Variants in TASP1 observed in about 807,000 individuals in gnomAD.
TASP1 encodes the protein threonine aspartase 1.
Under a neutral mutation model 56.6 loss-of-function variants are expected in TASP1, and 16 were observed. The ratio of observed to expected loss-of-function variants is 0.28; its 90% CI spans 0.19 to 0.43. The LOEUF (loss-of-function observed/expected upper bound fraction) is 0.43. Among genes scored for constraint, TASP1 ranks in the 20% least tolerant of loss-of-function variants. The pLI, the probability that TASP1 is intolerant of heterozygous loss-of-function variation, is 1.00. For synonymous variants in TASP1, 179 were observed against 184.2 expected (o/e 0.97, Z 0.23); for missense variants, 393 against 511.6 (o/e 0.77, Z 2.24).
At chr20:13,296,761 T>G in the TASP1 span, among the ~76,000 whole-genome samples, 1 of 152,184 alleles carries the variant, frequency 6.6e-6, no homozygotes, top group Admixed American at 6.5e-5. Context: ...GGCTTACACC[T>G]GTAATCCCAG....
the TASP1 span, among the ~76,000 whole-genome samples, chr20:13,242,985 T>A: frequency 1.3e-5 from 2 of 152,242 alleles, no homozygotes; most frequent in Non-Finnish European, 2.9e-5. Flanking sequence ...ATTATTGTTA[T>A]CCTCATTTTA....
chr20:13,345,843 C>T, the TASP1 span, among the ~76,000 whole-genome samples: 2 of 151,344 alleles, frequency 1.3e-5, no homozygotes, highest in African/African-American at 4.9e-5. Context: ...GTGGACTGAC[C>T]CCACTGCTGT....
intron 12 of TASP1, among the ~76,000 whole-genome samples, chr20:13,419,530 G>T (rs140157725): frequency 1.2e-3 from 185 of 152,284 alleles, no homozygotes; most frequent in Middle Eastern, 0.01. Context: ...GTTTTCGAAG[G>T]CATTTTTAAA....
chr20:13,577,000 T>G (rs1023498258), intron 6 of TASP1, among the ~76,000 whole-genome samples: 4 of 152,222 alleles, frequency 2.6e-5, no homozygotes, highest in Non-Finnish European at 5.9e-5. Context: ...TTTGTACATC[T>G]ATGCACATAT....
intron 4 of TASP1, among the ~76,000 whole-genome samples, chr20:13,594,917 A>G (rs918507220): frequency 6.6e-6 from 1 of 152,196 alleles, no homozygotes; most frequent in Admixed American, 6.5e-5. Flanking sequence ...TCCAAGACAC[A>G]TAATTGTCAG....
chr20:13,576,323 A>T (rs2046910037), intron 6 of TASP1, among the ~76,000 whole-genome samples: 1 of 147,186 alleles, frequency 6.8e-6, no homozygotes. Context: ...AGAAAGAAAG[A>T]AAAGAGAAAG....
chr20:13,128,407 A>G, the TASP1 span, among the ~76,000 whole-genome samples: 2 of 152,182 alleles, frequency 1.3e-5, no homozygotes, highest in Non-Finnish European at 2.9e-5. Context: ...ATCTAATACC[A>G]ATCAGTCAAC....
At chr20:13,549,816 A>C (rs2045920665) in intron 8 of TASP1, among the ~76,000 whole-genome samples, 2 of 152,078 alleles carry the variant, frequency 1.3e-5, no homozygotes, top group South Asian at 4.2e-4. Flanking sequence ...GATTCCGTTA[A>C]ATACTACAAA....
rs1416031196 is a variant in TASP1 at position 13,638,921 on chromosome 20, C to T, written c.-102G>A. On this transcript the variant is annotated 5_prime_UTR_variant, in exon 1 of 14. It adds an upstream start codon to the 5' untranslated region. Coordinates refer to ENST00000337743, the MANE Select transcript of TASP1 (RefSeq NM_017714.3). ...GCTTCAGCCCCGAGCCTTCACTGCA[C>T]CGGAAGTAGTCACCCGCCCGTTGCC... is the stretch of plus-strand genomic sequence containing the variant. 6.6e-6 allele frequency: 1 copy of T among 152,328 alleles called. No individual in the cohort carries two copies. Among genetic ancestry groups the T allele is most frequent in the East Asian group, 1.9e-4 (1 of 5,186 alleles). 9.4% of individuals were successfully genotyped at this position (152,328 alleles called of 1,614,324 possible). A position where few individuals can be genotyped will look rare whatever the true frequency, so the allele number is the denominator to read the frequency against.
chr20:13,596,016 A>C (rs1360361376), intron 4 of TASP1, among the ~76,000 whole-genome samples: 1 of 152,198 alleles, frequency 6.6e-6, no homozygotes, highest in Non-Finnish European at 1.5e-5. Flanking sequence ...CAGAAATCAC[A>C]ACAAACTGTC....
chr20:13,147,498 C>G, the TASP1 span, among the ~76,000 whole-genome samples: 10 of 152,172 alleles, frequency 6.6e-5, no homozygotes, highest in Non-Finnish European at 1.5e-4. Flanking sequence ...ACTCCAAGGT[C>G]TCTCCCCATC....
At chr20:13,302,752 A>G in the TASP1 span, among the ~76,000 whole-genome samples, 1 of 152,206 alleles carries the variant, frequency 6.6e-6, no homozygotes, top group East Asian at 1.9e-4. Flanking sequence ...AGAGAGTTCT[A>G]GTAATTCAGT....
At chr20:13,113,457 CA>C in the TASP1 span, among the ~76,000 whole-genome samples, 3 of 152,094 alleles carry the variant, frequency 2.0e-5, no homozygotes, top group East Asian at 5.8e-4. Flanking sequence ...AGCAGTCAGC[CA>C]AATCAGAAAG....
At chr20:13,164,402 A>G in the TASP1 span, 1 of 478,804 alleles carries the variant, frequency 2.1e-6, no homozygotes, top group African/African-American at 2.0e-5. Context: ...GCATTCTGCA[A>G]CCTTATCTTT....
chr20:13,111,175 G>A, the TASP1 span, among the ~76,000 whole-genome samples: 1 of 152,052 alleles, frequency 6.6e-6, no homozygotes, highest in African/African-American at 2.4e-5. Flanking sequence ...CCATGGTTAG[G>A]GTTCTGGATG....
At chr20:13,162,226 C>T in the TASP1 span, among the ~76,000 whole-genome samples, 1 of 152,248 alleles carries the variant, frequency 6.6e-6, no homozygotes, top group African/African-American at 2.4e-5. Context: ...GGGGACCTTG[C>T]ACAGAAGGGA....
At chr20:13,613,316 T>C (rs561664622) in intron 4 of TASP1, among the ~76,000 whole-genome samples, 8 of 152,288 alleles carry the variant, frequency 5.3e-5, no homozygotes, top group African/African-American at 1.9e-4. Context: ...TCCAATTTAA[T>C]ATCCAGTTTG....
the TASP1 span, among the ~76,000 whole-genome samples, chr20:13,173,230 G>A: frequency 2.0e-5 from 3 of 152,194 alleles, no homozygotes; most frequent in African/African-American, 7.2e-5. Flanking sequence ...AATTGCTGCA[G>A]AGAATGCCCT....
At chr20:13,329,824 G>A in the TASP1 span, among the ~76,000 whole-genome samples, 1 of 152,060 alleles carries the variant, frequency 6.6e-6, no homozygotes, top group Admixed American at 6.6e-5. Context: ...AGGGATAAGA[G>A]TGGACATCCA....
Sources: gnomAD v4.1 joint callset for allele counts (sites outside exome capture counted in the v4.1 genomes callset) on GRCh38, gnomAD v4.1.1 for gene constraint, MANE v1.5 for transcripts, NCBI Gene and HGNC (gene_info 2026-07-23, HGNC 2026-07-21) for gene names.